FAM227B: variants seen among roughly 807,000 people sequenced by gnomAD.
FAM227B encodes protein FAM227B.
FAM227B carries 88 observed loss-of-function variants against 73.8 expected under a neutral mutation model. That is an observed-to-expected ratio of 1.19 (90% CI 1.00 to 1.42). The LOEUF (loss-of-function observed/expected upper bound fraction) is 1.42. Ranked by LOEUF, FAM227B falls within the 40% of genes most tolerant of loss-of-function variation. FAM227B has a pLI of 0.00. For synonymous variants in FAM227B, 210 were observed against 190.5 expected (o/e 1.10, Z -0.84); for missense variants, 632 against 590.9 (o/e 1.07, Z -0.72).
In FAM227B at chr15:49,367,444, A is replaced by C; in HGVS notation, c.1271+4T>G. ...ATATTAAAGCAAAGCTTTAAAAAGG[A>C]TATGGTTCCTGGAATATCTTAGTGA... On this transcript the variant is annotated splice_donor_region_variant and intron_variant, in intron 13 of 15. Coordinates refer to ENST00000299338, the MANE Select transcript of FAM227B (RefSeq NM_152647.3). 6.4e-7 allele frequency: 1 copy of C among 1,561,568 alleles called. No individual in the cohort carries two copies.
intron 11 of FAM227B, among the ~76,000 whole-genome samples, chr15:49,477,916 T>C (rs550451301): frequency 2.2e-4 from 34 of 152,332 alleles, no homozygotes; most frequent in East Asian, 1.3e-3. Context: ...TTGCAATTCC[T>C]TTTTAAATAA....
intron 11 of FAM227B, among the ~76,000 whole-genome samples, chr15:49,442,887 A>G (rs1255448462): frequency 6.6e-6 from 1 of 151,724 alleles, no homozygotes; most frequent in East Asian, 1.9e-4. Flanking sequence ...TCACACCACT[A>G]ATGATTAGGT....
chr15:49,478,860 T>C (rs146883688), intron 11 of FAM227B, among the ~76,000 whole-genome samples: 1,628 of 152,204 alleles, frequency 0.011, 32 homozygotes, highest in African/African-American at 0.034. Flanking sequence ...TAAAGCACTT[T>C]AAAATCACAA....
intron 13 of FAM227B, among the ~76,000 whole-genome samples, chr15:49,356,994 T>C (rs2043270588): frequency 6.6e-6 from 1 of 150,516 alleles, no homozygotes; most frequent in East Asian, 2.0e-4. Context: ...ACTGGGTACA[T>C]AACGAAATGA....
chr15:49,532,017 A>G (rs1191787596), intron 10 of FAM227B, among the ~76,000 whole-genome samples: 3 of 149,824 alleles, frequency 2.0e-5, no homozygotes, highest in South Asian at 4.2e-4. Context: ...ATCTATATAT[A>G]ATATACGTAA....
chr15:49,421,621 G>GC (rs2151734256), intron 11 of FAM227B, among the ~76,000 whole-genome samples: 1 of 152,220 alleles, frequency 6.6e-6, no homozygotes, highest in Non-Finnish European at 1.5e-5. Flanking sequence ...CTGATTTCTT[G>GC]GTTTAAAAAC....
chr15:49,567,464 CAT>C (rs1352603039), intron 9 of FAM227B, among the ~76,000 whole-genome samples: 4 of 152,046 alleles, frequency 2.6e-5, no homozygotes, highest in African/African-American at 4.8e-5. Flanking sequence ...AAACTTTACA[CAT>C]GTGTTTGTGA....
At chr15:49,329,846 T>C in intron 15 of FAM227B, 1 of 788,588 alleles carries the variant, frequency 1.3e-6, no homozygotes, top group Non-Finnish European at 1.5e-6. Flanking sequence ...TGTTTTGCTG[T>C]TCCATTTACA....
intron 11 of FAM227B, chr15:49,422,525 G>T: frequency 7.6e-7 from 1 of 1,309,076 alleles, no homozygotes; most frequent in Non-Finnish European, 9.8e-7. Context: ...TAGGTGCCCT[G>T]TTCCTTATAT....
At chr15:49,375,879 T>A (rs1188303736) in intron 11 of FAM227B, among the ~76,000 whole-genome samples, 1 of 152,106 alleles carries the variant, frequency 6.6e-6, no homozygotes, top group East Asian at 1.9e-4. Context: ...TAGAAGGAAT[T>A]GAGACTATCT....
intron 11 of FAM227B, among the ~76,000 whole-genome samples, chr15:49,405,545 GT>G (rs1183038900): frequency 6.6e-6 from 1 of 152,140 alleles, no homozygotes; most frequent in East Asian, 1.9e-4. Flanking sequence ...GGTCTATTCT[GT>G]TATTAACACT....
chr15:49,565,131 C>G (rs1275923810), intron 9 of FAM227B, among the ~76,000 whole-genome samples: 2 of 152,030 alleles, frequency 1.3e-5, no homozygotes, highest in African/African-American at 2.4e-5. Flanking sequence ...CACCTGTAAT[C>G]CCAGCACTTT....
At chr15:49,381,858 ACT>A (rs1376543829) in intron 11 of FAM227B, among the ~76,000 whole-genome samples, 2 of 152,132 alleles carry the variant, frequency 1.3e-5, no homozygotes, top group African/African-American at 2.4e-5. Flanking sequence ...AAAATTTATC[ACT>A]GTTATAAATG....
At chr15:49,525,262 A>T (rs1309524447) in intron 10 of FAM227B, among the ~76,000 whole-genome samples, 1 of 152,024 alleles carries the variant, frequency 6.6e-6, no homozygotes, top group Non-Finnish European at 1.5e-5. Context: ...GATAGTGAAT[A>T]AGTCTCATGA....
At chr15:49,604,511 G>A (rs941447826) in intron 3 of FAM227B, among the ~76,000 whole-genome samples, 3 of 152,020 alleles carry the variant, frequency 2.0e-5, no homozygotes, top group African/African-American at 7.2e-5. Context: ...TCATTATAAT[G>A]TATCTTGGGG....
chr15:49,445,909 T>C (rs1464467329), intron 11 of FAM227B, among the ~76,000 whole-genome samples: 2 of 151,572 alleles, frequency 1.3e-5, no homozygotes, highest in African/African-American at 2.4e-5. Flanking sequence ...AACATATCTA[T>C]ACTATCATTA....
intron 5 of FAM227B, among the ~76,000 whole-genome samples, chr15:49,584,790 A>T (rs1669200902): frequency 6.6e-6 from 1 of 152,168 alleles, no homozygotes; most frequent in South Asian, 2.1e-4. Flanking sequence ...ATCTAGGAAT[A>T]CTGCTTACCA....
chr15:49,479,027 T>C (rs1567357805), intron 11 of FAM227B, among the ~76,000 whole-genome samples: 2 of 152,208 alleles, frequency 1.3e-5, no homozygotes, highest in Non-Finnish European at 2.9e-5. Context: ...GATACAGGTT[T>C]AAATAATAAA....
At chr15:49,408,879 A>G (rs1300024438) in intron 11 of FAM227B, among the ~76,000 whole-genome samples, 2 of 152,154 alleles carry the variant, frequency 1.3e-5, no homozygotes, top group East Asian at 3.8e-4. Context: ...CATGGCATTT[A>G]CTACCACAAT....
Sources: allele counts gnomAD v4.1 joint callset (sites outside exome capture counted in the v4.1 genomes callset), GRCh38; gene constraint gnomAD v4.1.1; transcripts MANE v1.5; gene names NCBI Gene and HGNC (gene_info 2026-07-23, HGNC 2026-07-21).